The following LDB3 variants were observed in gnomAD, a reference collection of about 807,000 sequenced individuals.
The protein encoded by LDB3 is LIM domain-binding protein 3.
LDB3 carries 49 observed loss-of-function variants against 69.0 expected under a neutral mutation model. The observed-to-expected ratio is 0.71, with a 90% CI of 0.56 to 0.90. The LOEUF (loss-of-function observed/expected upper bound fraction) is 0.90. LDB3 is among the 40% of genes least tolerant of loss of function. LDB3 has a pLI of 0.00. For missense variants in LDB3, 928 were observed against 974.1 expected (o/e 0.95, Z 0.63); for synonymous variants, 387 against 396.2 (o/e 0.98, Z 0.28).
intron 12 of LDB3, among the ~76,000 whole-genome samples, chr10:86,721,517 C>A (rs182356166): frequency 1.1e-4 from 16 of 152,224 alleles, no homozygotes; most frequent in Non-Finnish European, 2.2e-4. Context: ...TCATGGTCAC[C>A]TAGGGAACTT....
At chr10:86,694,843 G>A (rs776892184) in intron 7 of LDB3, among the ~76,000 whole-genome samples, 1 of 152,152 alleles carries the variant, frequency 6.6e-6, no homozygotes, top group African/African-American at 2.4e-5. Flanking sequence ...CTGGTCAGGG[G>A]TCTTGCTCCT....
chr10:86,668,382 A>C, upstream of LDB3: 34 of 440,944 alleles, frequency 7.7e-5, no homozygotes, highest in East Asian at 1.4e-4. Context: ...CCCAGGGGCT[A>C]TATTAGCCGT....
At chr10:86,732,749 C>T (rs1188278407) in intron 13 of LDB3, 138 bp from the exon 14 acceptor site, 5 of 670,706 alleles carry the variant, frequency 7.5e-6, no homozygotes, top group Non-Finnish European at 1.4e-5. Flanking sequence ...AGTGATCTGC[C>T]TGCCTTGGCC....
rs897248235 is a variant in LDB3, at chr10:86,733,597, G to C, written c.*621G>C. On this transcript the variant is annotated 3_prime_UTR_variant, in exon 14 of 14. Coordinates refer to ENST00000361373, the MANE Select transcript of LDB3 (RefSeq NM_007078.3). Reference sequence around the variant, plus strand: ...ACGTCCAAAGAGATGTCTTCTGGGAGCCACTGGGCAATTGCCAGGGCTCCA... The same window carrying C: ...ACGTCCAAAGAGATGTCTTCTGGGACCCACTGGGCAATTGCCAGGGCTCCA... The C allele has an allele frequency of 1.3e-5, 2 of 152,782 alleles. No individual in the cohort carries two copies. Among genetic ancestry groups the C allele is most frequent in the African/African-American group, 4.8e-5 (2 of 41,446 alleles). The allele number at this position is 152,782 out of a possible 1,614,324, so 9.5% of individuals were successfully genotyped here. A position where few individuals can be genotyped will look rare whatever the true frequency, so the allele number is the denominator to read the frequency against.
chr10:86,684,660 G>A (rs1008255113), intron 5 of LDB3, among the ~76,000 whole-genome samples: 5 of 152,214 alleles, frequency 3.3e-5, no homozygotes, highest in African/African-American at 9.6e-5. Flanking sequence ...CCACTGACTT[G>A]AGCCTGGCTT....
At chr10:86,716,867 T>A (rs753264366) in intron 10 of LDB3, 96 bp downstream of exon 10, 18 of 1,351,388 alleles carry the variant, frequency 1.3e-5, no homozygotes, top group Non-Finnish European at 1.9e-5. Flanking sequence ...GAGATGGGGG[T>A]AGGAGGCAGG....
At chr10:86,692,240 G>A (rs1845800277) in intron 6 of LDB3, among the ~76,000 whole-genome samples, 175 bp downstream of exon 6, 1 of 152,262 alleles carries the variant, frequency 6.6e-6, no homozygotes, top group South Asian at 2.1e-4. Flanking sequence ...CAGGCAGGCT[G>A]TCCGGTGACA....
At chr10:86,732,209 G>T (rs1244147045) in intron 13 of LDB3, among the ~76,000 whole-genome samples, 2 of 151,418 alleles carry the variant, frequency 1.3e-5, no homozygotes, top group East Asian at 3.9e-4. Context: ...TGATGTGTTT[G>T]TTAGTTTACT....
intron 2 of LDB3, among the ~76,000 whole-genome samples, chr10:86,672,573 T>C (rs990645551): frequency 6.6e-6 from 1 of 152,204 alleles, no homozygotes; most frequent in Non-Finnish European, 1.5e-5. Context: ...ATAGCCGCAC[T>C]GAAGGTCAGG....
In LDB3 at chr10:86,668,738, G is replaced by A. The variant is rs767986134; in HGVS notation, c.47G>A (p.Arg16His). 3.5e-5 allele frequency: 57 copies of A among 1,613,268 alleles called. 1 individual carries two copies. Among genetic ancestry groups the A allele is most frequent in the South Asian group, 3.3e-4 (30 of 91,082 alleles). ...TLTGPGPWGF[R>H]LQGGKDFNMP... ...ACTGGGCCCGGGCCCTGGGGCTTCC[G>A]TCTGCAGGGGGGCAAGGACTTCAAC... Residue 16 changes from arginine to histidine, a missense_variant, in exon 2 of 14, where the codon CGT becomes CAT. By Grantham distance (29) the Arg-to-His change is conservative (BLOSUM62 0). Transcript: ENST00000361373.
intron 13 of LDB3, among the ~76,000 whole-genome samples, chr10:86,727,706 TGGC>T (rs1847303396): frequency 6.6e-6 from 1 of 152,224 alleles, no homozygotes; most frequent in African/African-American, 2.4e-5. Flanking sequence ...TAGCAATCCT[TGGC>T]ATTTCTTGGC....
chr10:86,724,618 T>A (rs7476499), intron 12 of LDB3, among the ~76,000 whole-genome samples: 5 of 150,040 alleles, frequency 3.3e-5, no homozygotes, highest in Admixed American at 1.3e-4. Context: ...AAAATAAAAA[T>A]AAAAAATAAA....
chr10:86,670,363 T>G (rs1251434210), intron 2 of LDB3, among the ~76,000 whole-genome samples: 1 of 152,098 alleles, frequency 6.6e-6, no homozygotes, highest in Non-Finnish European at 1.5e-5. Flanking sequence ...CCCACCCCCA[T>G]GCTTGCAGGA....
intron 9 of LDB3, among the ~76,000 whole-genome samples, chr10:86,715,207 A>G (rs781428250): frequency 2.6e-5 from 4 of 152,160 alleles, no homozygotes; most frequent in Non-Finnish European, 4.4e-5. Context: ...GACTGCCTCA[A>G]TGCAGTCCAT....
Position 86,691,973 on chromosome 10 carries a change from C to A in LDB3, c.767C>A (p.Pro256Gln). Residue 256 changes from proline to glutamine, a missense_variant, in exon 6 of 14, where the codon CCA (proline) becomes CAA (glutamine). By Grantham distance (76) the Pro-to-Gln change is moderately conservative. Transcript: ENST00000361373. The part of the protein sequence containing the change: ...YQAVIKSQNK[P>Q]EDEADEWARR... ...GCTGTGATTAAGAGCCAGAACAAGC[C>A]AGAAGATGAGGCTGACGAGTGGGCA... The A allele has an allele frequency of 6.2e-7, 1 of 1,614,196 alleles. No homozygotes were observed. The highest frequency in any genetic ancestry group is 8.5e-7 in the Non-Finnish European group (1 of 1,180,048).
intron 7 of LDB3, among the ~76,000 whole-genome samples, chr10:86,700,996 G>C (rs1051846320): frequency 6.6e-6 from 1 of 152,234 alleles, no homozygotes; most frequent in South Asian, 2.1e-4. Context: ...CTGGGCAGAG[G>C]CTTTCCCTCT....
chr10:86,676,182 G>A (rs535122942), intron 2 of LDB3, among the ~76,000 whole-genome samples: 45 of 152,344 alleles, frequency 3.0e-4, no homozygotes, highest in African/African-American at 9.9e-4. Flanking sequence ...CAGTCCAGAC[G>A]TCTGTTTCTA....
intron 7 of LDB3, 57 bp downstream of exon 7, chr10:86,692,628 G>A: frequency 6.6e-7 from 1 of 1,517,468 alleles, no homozygotes; most frequent in South Asian, 1.1e-5. Flanking sequence ...CCCTCCCCGG[G>A]CAGCCCCCAG....
At chr10:86,707,180 A>T (rs542762902) in intron 8 of LDB3, among the ~76,000 whole-genome samples, 3 of 152,010 alleles carry the variant, frequency 2.0e-5, no homozygotes, top group Non-Finnish European at 4.4e-5. Context: ...GCAGCATTGG[A>T]GCTGGGCAGG....
Sources: allele counts gnomAD v4.1 joint callset (sites outside exome capture counted in the v4.1 genomes callset), GRCh38; gene constraint gnomAD v4.1.1; transcripts MANE v1.5; gene names NCBI Gene and HGNC (gene_info 2026-07-23, HGNC 2026-07-21).